Variants in GPC5 observed in about 807,000 individuals in gnomAD.
The protein encoded by GPC5 is glypican-5.
In GPC5, 47 loss-of-function variants were observed where a neutral mutation model predicts 53.9. The observed-to-expected ratio is 0.87, with a 90% CI of 0.69 to 1.11. The LOEUF (loss-of-function observed/expected upper bound fraction) is 1.11. Ranked by LOEUF, GPC5 falls within the 50% of genes most tolerant of loss-of-function variation. The probability of loss-of-function intolerance (pLI) is 0.00; values close to 1 mark genes in which losing one functional copy is unlikely to be tolerated. For synonymous variants in GPC5, 286 were observed against 263.3 expected (o/e 1.09, Z -0.84); for missense variants, 748 against 713.1 (o/e 1.05, Z -0.56).
At chr13:91,974,057 C>T (rs963807776) in intron 6 of GPC5, among the ~76,000 whole-genome samples, 4 of 152,154 alleles carry the variant, frequency 2.6e-5, no homozygotes, top group Non-Finnish European at 4.4e-5. Context: ...GCTGTCTTTT[C>T]GTTTGTCTTT....
chr13:92,787,667 C>CAAAAAAAA (rs71202562), intron 7 of GPC5, among the ~76,000 whole-genome samples: 8,340 of 55,604 alleles, frequency 0.15, 397 homozygotes, highest in Non-Finnish European at 0.16. Flanking sequence ...CTCATAGCTA[C>CAAAAAAAA]AAAAAAAAAA....
intron 6 of GPC5, among the ~76,000 whole-genome samples, chr13:91,923,209 C>T (rs928692451): frequency 1.3e-5 from 2 of 152,178 alleles, no homozygotes; most frequent in African/African-American, 4.8e-5. Flanking sequence ...TGCATATTCT[C>T]ACCTTTCTGC....
chr13:91,899,123 G>T (rs567578714), intron 5 of GPC5, among the ~76,000 whole-genome samples: 1 of 152,236 alleles, frequency 6.6e-6, no homozygotes, highest in East Asian at 1.9e-4. Context: ...GCCCTTCATT[G>T]CTTTTGGGAA....
At chr13:91,922,845 C>T (rs1390318388) in intron 6 of GPC5, among the ~76,000 whole-genome samples, 4 of 151,022 alleles carry the variant, frequency 2.6e-5, no homozygotes, top group Non-Finnish European at 5.9e-5. Context: ...CCATATCTCA[C>T]AAACTTGTGT....
At chr13:92,696,458 C>A (rs1242143244) in intron 7 of GPC5, among the ~76,000 whole-genome samples, 3 of 152,170 alleles carry the variant, frequency 2.0e-5, no homozygotes, top group Admixed American at 1.3e-4. Context: ...TGATGATTAG[C>A]TTTTTTAAAT....
rs78986342 is a variant in GPC5, at chr13:91,407,925, C to T, written c.163+8716C>T. Among the ~76,000 whole-genome samples, 31 of 152,020 alleles carry T rather than the reference C, an allele frequency of 2.0e-4. 1 individual carries two copies. Among genetic ancestry groups the T allele is most frequent in the East Asian group, 1.9e-4 (1 of 5,204 alleles). On this transcript the variant is annotated intron_variant, in intron 1 of 7. Coordinates refer to ENST00000377067, the MANE Select transcript of GPC5 (RefSeq NM_004466.6). ...TCTTTTTAAAAAATTTATTTTAAAT[C>T]GACAGATAAAATTGGGTGTATTTAC... is the stretch of plus-strand genomic sequence containing the variant.
At chr13:92,460,333 G>A (rs984887000) in intron 7 of GPC5, among the ~76,000 whole-genome samples, 2 of 152,066 alleles carry the variant, frequency 1.3e-5, no homozygotes, top group Non-Finnish European at 2.9e-5. Flanking sequence ...CAAAAGAGAT[G>A]TGGCATGTAC....
At chr13:92,825,275 G>A (rs924148971) in intron 7 of GPC5, among the ~76,000 whole-genome samples, 1 of 152,012 alleles carries the variant, frequency 6.6e-6, no homozygotes, top group African/African-American at 2.4e-5. Context: ...ATAATTTATG[G>A]TGCATATAAA....
chr13:92,284,265 A>G (rs1397224364), intron 7 of GPC5, among the ~76,000 whole-genome samples: 1 of 152,218 alleles, frequency 6.6e-6, no homozygotes, highest in Non-Finnish European at 1.5e-5. Flanking sequence ...CCAACCAAAA[A>G]AAAGTCCAGG....
At chr13:92,521,061 A>G (rs1299282022) in intron 7 of GPC5, among the ~76,000 whole-genome samples, 1 of 152,180 alleles carries the variant, frequency 6.6e-6, no homozygotes, top group African/African-American at 2.4e-5. Context: ...TAGGAATCCA[A>G]CTTACAAGGG....
At chr13:92,797,064 A>G (rs1876711030) in intron 7 of GPC5, among the ~76,000 whole-genome samples, 1 of 151,944 alleles carries the variant, frequency 6.6e-6, no homozygotes. Context: ...GCTAACCCGT[A>G]CGGTGCAACA....
At chr13:92,072,800 C>T (rs2041223849) in intron 6 of GPC5, among the ~76,000 whole-genome samples, 1 of 151,794 alleles carries the variant, frequency 6.6e-6, no homozygotes, top group African/African-American at 2.4e-5. Context: ...TGAATTCCTG[C>T]CCTGAAGCGA....
At chr13:92,111,455 T>C (rs2041555864) in intron 6 of GPC5, among the ~76,000 whole-genome samples, 2 of 152,152 alleles carry the variant, frequency 1.3e-5, no homozygotes, top group African/African-American at 4.8e-5. Flanking sequence ...CTGCTGCAAA[T>C]GAAACAAGAT....
intron 2 of GPC5, among the ~76,000 whole-genome samples, chr13:91,536,085 A>G (rs1268606905): frequency 2.6e-5 from 4 of 152,280 alleles, no homozygotes; most frequent in East Asian, 1.9e-4. Context: ...CTCTTTTTAA[A>G]TATCTTCACC....
intron 6 of GPC5, among the ~76,000 whole-genome samples, chr13:91,930,414 AT>A (rs2039810504): frequency 6.6e-6 from 1 of 152,058 alleles, no homozygotes; most frequent in African/African-American, 2.4e-5. Context: ...CTATATTTTC[AT>A]TTTTGAACAA....
At chr13:92,812,286 T>C (rs1182286439) in intron 7 of GPC5, among the ~76,000 whole-genome samples, 2 of 151,968 alleles carry the variant, frequency 1.3e-5, no homozygotes, top group African/African-American at 4.8e-5. Flanking sequence ...TAGTATACAG[T>C]GTTTCACCTC....
intron 7 of GPC5, among the ~76,000 whole-genome samples, chr13:92,632,485 T>TATATAC (rs138355646): frequency 0.017 from 2,296 of 137,584 alleles, 43 homozygotes; most frequent in African/African-American, 0.037. Flanking sequence ...TATATATATA[T>TATATAC]ACACATATAT....
intron 5 of GPC5, among the ~76,000 whole-genome samples, chr13:91,859,773 A>C (rs1173934538): frequency 6.6e-6 from 1 of 151,502 alleles, no homozygotes; most frequent in African/African-American, 2.4e-5. Context: ...TACTTTTTTC[A>C]AATTATGTTT....
chr13:91,527,516 A>G (rs1248154185), intron 2 of GPC5, among the ~76,000 whole-genome samples: 1 of 152,174 alleles, frequency 6.6e-6, no homozygotes, highest in Non-Finnish European at 1.5e-5. Context: ...GCTGGCATTG[A>G]GTGCCTATGA....
Sources: gnomAD v4.1 joint callset for allele counts (sites outside exome capture counted in the v4.1 genomes callset) on GRCh38, gnomAD v4.1.1 for gene constraint, MANE v1.5 for transcripts, NCBI Gene and HGNC (gene_info 2026-07-23, HGNC 2026-07-21) for gene names.